CNOT6: variants seen among roughly 807,000 people sequenced by gnomAD.
CNOT6 encodes CCR4-NOT transcription complex subunit 6.
A neutral mutation model predicts 61.2 loss-of-function variants in CNOT6; 12 were observed. The observed-to-expected ratio is 0.20, with a 90% CI of 0.13 to 0.32. The LOEUF is 0.32. Ranked by LOEUF, CNOT6 falls within the 10% of genes least tolerant of loss-of-function variation. CNOT6 has a pLI of 1.00. For synonymous variants in CNOT6, 225 were observed against 240.6 expected (o/e 0.94, Z 0.60); for missense variants, 405 against 663.9 (o/e 0.61, Z 4.28).
At position 180,569,240 on chromosome 5, in the gene CNOT6, T is replaced by C; in HGVS notation, c.1158T>C (p.Ile386=). 1.2e-6 allele frequency: 2 copies of C among 1,614,114 alleles called. No individual in the cohort carries two copies. The change falls in exon 10 of 12, where the codon ATT becomes ATC. Residue 386 remains isoleucine, a synonymous_variant. Transcript: ENST00000261951. ...TMMFLSEVKN[I]IDKASRNLKS... ...TGTTCCTCTCAGAAGTGAAGAACAT[T>C]ATTGATAAAGCCTCTCGCAACCTCA...
intron 2 of CNOT6, among the ~76,000 whole-genome samples, chr5:180,537,253 AT>A (rs1362250076): frequency 6.6e-5 from 10 of 152,132 alleles, no homozygotes; most frequent in Admixed American, 4.6e-4. Context: ...TGGCTGTATC[AT>A]TTTGCCCTCC....
In CNOT6 at chr5:180,536,241, C is replaced by T. The variant is rs891429500; in HGVS notation, c.112+6853C>T. 6.6e-5 allele frequency among the ~76,000 whole-genome samples: 10 copies of T among 151,918 alleles called. No homozygotes were observed. In the Middle Eastern group the frequency reaches 0.01, roughly 155 times the overall value. ...GTCTCGATCTGCTGACCTTGTGATC[C>T]GCCTGCCTTGGCCTCCCAAAGTGCT... On this transcript the variant is annotated intron_variant, in intron 2 of 11. Coordinates refer to ENST00000261951, the MANE Select transcript of CNOT6 (RefSeq NM_001370472.1).
rs1305701783 is a variant in CNOT6 at position 180,533,311 on chromosome 5, C to CATATATATATATAT, written c.112+3923_112+3924insATATATATATATAT. ...AGGAACCAGGAACCATGGATGAAAA[C>CATATATATATATAT]CTATATATATATATATATATATATA... On this transcript the variant is annotated intron_variant, in intron 2 of 11. Transcript: ENST00000261951. 9.2e-3 allele frequency among the ~76,000 whole-genome samples: 598 copies of CATATATATATATAT among 65,082 alleles called. 9 individuals carry two copies. Among genetic ancestry groups the CATATATATATATAT allele is most frequent in the Non-Finnish European group, 0.016 (467 of 30,000 alleles). 42.7% of individuals were successfully genotyped at this position (65,082 alleles called of 152,430 possible).
intron 1 of CNOT6, among the ~76,000 whole-genome samples, chr5:180,507,608 CA>C (rs1167863031): frequency 7.2e-6 from 1 of 138,326 alleles, no homozygotes; most frequent in East Asian, 2.0e-4. Context: ...GTTTTAAAAA[CA>C]AAAAAAGATA....
intron 10 of CNOT6, among the ~76,000 whole-genome samples, chr5:180,569,699 T>C (rs1760647444): frequency 6.6e-6 from 1 of 152,224 alleles, no homozygotes. Flanking sequence ...ATAGTTTAAA[T>C]TTGAGTTAAA....
intron 4 of CNOT6, among the ~76,000 whole-genome samples, chr5:180,563,883 A>G: frequency 6.6e-6 from 1 of 152,102 alleles, no homozygotes; most frequent in South Asian, 2.1e-4. Context: ...TTTTGCTCTC[A>G]TTTTGGAACA....
intron 3 of CNOT6, among the ~76,000 whole-genome samples, chr5:180,552,645 C>CAAAA: frequency 7.4e-6 from 1 of 134,676 alleles, no homozygotes; most frequent in South Asian, 2.4e-4. Context: ...GACTCCGTCT[C>CAAAA]AAAAAAAAAA....
chr5:180,547,826 C>T (rs895084465), intron 2 of CNOT6, among the ~76,000 whole-genome samples: 9 of 152,100 alleles, frequency 5.9e-5, no homozygotes, highest in Non-Finnish European at 1.2e-4. Context: ...CGCCACCTCC[C>T]GGGTTCAAGC....
At chr5:180,516,341 G>T (rs1450633048) in intron 1 of CNOT6, among the ~76,000 whole-genome samples, 2 of 151,862 alleles carry the variant, frequency 1.3e-5, no homozygotes, top group Non-Finnish European at 2.9e-5. Flanking sequence ...CACCACACCC[G>T]GCTAATTTTT....
At chr5:180,545,712 C>T (rs969559805) in intron 2 of CNOT6, among the ~76,000 whole-genome samples, 3 of 152,058 alleles carry the variant, frequency 2.0e-5, no homozygotes, top group African/African-American at 7.2e-5. Flanking sequence ...ACTTTTATTT[C>T]CTAAAAAATG....
At chr5:180,509,477 C>T (rs1217977130) in intron 1 of CNOT6, among the ~76,000 whole-genome samples, 1 of 151,680 alleles carries the variant, frequency 6.6e-6, no homozygotes, top group Non-Finnish European at 1.5e-5. Context: ...GAGTTTTGCT[C>T]TTGTTGCCCA....
intron 1 of CNOT6, among the ~76,000 whole-genome samples, chr5:180,527,575 C>T (rs1352150614): frequency 2.0e-5 from 3 of 152,136 alleles, no homozygotes; most frequent in Non-Finnish European, 4.4e-5. Flanking sequence ...TTTGTGTAAA[C>T]TAGTATCAGA....
chr5:180,521,222 C>G (rs944770882), intron 1 of CNOT6, among the ~76,000 whole-genome samples: 1 of 152,142 alleles, frequency 6.6e-6, no homozygotes, highest in Non-Finnish European at 1.5e-5. Flanking sequence ...TAATGAATAT[C>G]AGCAGTTAAG....
intron 2 of CNOT6, among the ~76,000 whole-genome samples, chr5:180,541,758 A>ATT (rs541354980): frequency 7.0e-6 from 1 of 143,354 alleles, no homozygotes; most frequent in African/African-American, 2.6e-5. Flanking sequence ...GGCCAGAGAA[A>ATT]TTTTTTTTTT....
At position 180,565,642 on chromosome 5, in the gene CNOT6, C is replaced by T. The variant is rs112107302; in HGVS notation, c.560-178C>T. Among the ~76,000 whole-genome samples, 1,285 of 152,260 alleles carry T rather than the reference C, an allele frequency of 8.4e-3. 17 individuals carry two copies. The highest frequency in any genetic ancestry group is 0.029 in the African/African-American group (1,217 of 41,532). Reference sequence around the variant, plus strand: ...TATTCTAACTTGTTCACTTATCTATCCTGCTTGCATTATCCGTCTTTTATT... The same window carrying T: ...TATTCTAACTTGTTCACTTATCTATTCTGCTTGCATTATCCGTCTTTTATT... On this transcript the variant is annotated intron_variant, in intron 6 of 11. Transcript: ENST00000261951.
intron 1 of CNOT6, among the ~76,000 whole-genome samples, chr5:180,522,583 A>G (rs545207300): frequency 1.3e-5 from 2 of 152,178 alleles, no homozygotes; most frequent in African/African-American, 2.4e-5. Context: ...GTGAGATGGT[A>G]TCTCGTGGTT....
intron 2 of CNOT6, among the ~76,000 whole-genome samples, chr5:180,548,072 A>G (rs1759404562): frequency 6.6e-6 from 1 of 152,184 alleles, no homozygotes; most frequent in South Asian, 2.1e-4. Context: ...TAGAGTTTTC[A>G]TCAAACATAG....
intron 1 of CNOT6, among the ~76,000 whole-genome samples, chr5:180,500,499 G>C (rs1344539190): frequency 6.7e-6 from 1 of 149,484 alleles, no homozygotes; most frequent in African/African-American, 2.5e-5. Context: ...GTGCAGTGGC[G>C]CTATCTAGGC....
chr5:180,540,100 T>G (rs1758956555), intron 2 of CNOT6, among the ~76,000 whole-genome samples: 1 of 152,112 alleles, frequency 6.6e-6, no homozygotes, highest in Non-Finnish European at 1.5e-5. Flanking sequence ...TTAATTCCAT[T>G]TTTGGAGTTT....
Sources: allele counts gnomAD v4.1 joint callset (sites outside exome capture counted in the v4.1 genomes callset), GRCh38; gene constraint gnomAD v4.1.1; transcripts MANE v1.5; gene names NCBI Gene and HGNC (gene_info 2026-07-23, HGNC 2026-07-21).